ACSM5: variants seen among roughly 807,000 people sequenced by gnomAD.
The protein encoded by ACSM5 is acyl-CoA synthetase medium chain family member 5, also known as acyl-coenzyme A synthetase ACSM5, mitochondrial.
Under a neutral mutation model 71.6 loss-of-function variants are expected in ACSM5, and 56 were observed. The ratio of observed to expected loss-of-function variants is 0.78; its 90% CI spans 0.63 to 0.98. The LOEUF (loss-of-function observed/expected upper bound fraction) is 0.98. Among genes scored for constraint, ACSM5 ranks in the 50% least tolerant of loss-of-function variants. The pLI is 0.00. For missense variants in ACSM5, 723 were observed against 726.0 expected (o/e 1.00, Z 0.05); for synonymous variants, 285 against 281.5 (o/e 1.01, Z -0.12).
intron 12 of ACSM5, among the ~76,000 whole-genome samples, chr16:20,437,954 T>A (rs1360788769): frequency 1.3e-5 from 2 of 151,362 alleles, no homozygotes; most frequent in Non-Finnish European, 2.9e-5. Context: ...CCCCCCCCAG[T>A]AGCTGGGATT....
At chr16:20,418,295 A>G in intron 3 of ACSM5, 26 bp downstream of exon 3, 1 of 1,587,946 alleles carries the variant, frequency 6.3e-7, no homozygotes, top group African/African-American at 1.3e-5. Context: ...TGGGAATTTT[A>G]GTTGGGGGCA....
rs756547534 is a variant in ACSM5 at position 20,421,404 on chromosome 16, A to G, written c.767+3A>G. 3.8e-6 allele frequency: 6 copies of G among 1,588,014 alleles called. No homozygotes were observed. The highest frequency in any genetic ancestry group is 1.7e-5 in the Admixed American group (1 of 58,176). Reference sequence around the variant, plus strand: ...CTGGGTTTTGTGGCCAGCGGAAGGTACCAGAGCAGCTTGTCTAGAGGATCC... The same window carrying G: ...CTGGGTTTTGTGGCCAGCGGAAGGTGCCAGAGCAGCTTGTCTAGAGGATCC... On this transcript the variant is annotated splice_donor_region_variant and intron_variant, in intron 5 of 13. Transcript: ENST00000331849.
At position 20,440,471 on chromosome 16, in the gene ACSM5, A is replaced by G. The variant is rs865880504; in HGVS notation, c.*44A>G. On this transcript the variant is annotated 3_prime_UTR_variant, in exon 14 of 14. Transcript: ENST00000331849. ...CCCGTAGACCTCCGAAGACTCCACA[A>G]GAAACTAATGGATCACTGGTCAGTC... is the stretch of plus-strand genomic sequence containing the variant. 3.9e-6 allele frequency: 6 copies of G among 1,531,424 alleles called. No individual in the cohort carries two copies. Among genetic ancestry groups the G allele is most frequent in the Middle Eastern group, 1.7e-4 (1 of 5,944 alleles). The allele number at this position is 1,531,424 out of a possible 1,614,324, so 94.9% of individuals were successfully genotyped here. A position where few individuals can be genotyped will look rare whatever the true frequency, so the allele number is the denominator to read the frequency against.
intron 4 of ACSM5, chr16:20,420,972 A>G (rs544128346): frequency 2.4e-4 from 52 of 218,764 alleles, no homozygotes; most frequent in African/African-American, 9.8e-4. Context: ...AGACATGGAC[A>G]TGTGTGTGTT....
chr16:20,428,491 G>T (rs567154567), intron 7 of ACSM5, among the ~76,000 whole-genome samples: 2 of 152,304 alleles, frequency 1.3e-5, no homozygotes, highest in African/African-American at 2.4e-5. Context: ...GGTTGCTGGG[G>T]TATATGGAGA....
At chr16:20,425,479 A>G (rs1308476620) in intron 6 of ACSM5, among the ~76,000 whole-genome samples, 5 of 152,222 alleles carry the variant, frequency 3.3e-5, no homozygotes, top group African/African-American at 7.2e-5. Flanking sequence ...GTGTTTGATT[A>G]CATGAGTAAG....
In ACSM5 at chr16:20,437,079, G is replaced by A. The variant is rs201184714; in HGVS notation, c.1336G>A (p.Glu446Lys). 64 of 1,614,176 alleles carry A rather than the reference G, an allele frequency of 4.0e-5. No individual in the cohort carries two copies. The East Asian group carries it at 6.7e-4, about 17-fold the overall frequency. Residue 446 changes from glutamate (E) to lysine (K), a missense_variant, in exon 11 of 14, where the codon GAA becomes AAA. By Grantham distance (56) the Glu-to-Lys change is moderately conservative. Transcript: ENST00000331849. ...LDNPEKTAAS[E>K]QGDFYITGDR... ...CAATCCTGAGAAGACAGCTGCATCA[G>A]AACAAGGGGACTTTTACATCACAGG...
rs374447210 is a variant in ACSM5 at position 20,439,692 on chromosome 16, A to T, written c.1537-108A>T. 55 of 1,312,266 alleles carry T rather than the reference A, an allele frequency of 4.2e-5. 1 individual carries two copies. Among genetic ancestry groups the T allele is most frequent in the South Asian group, 3.9e-4 (27 of 68,876 alleles). The allele number at this position is 1,312,266 out of a possible 1,614,324, so 81.3% of individuals were successfully genotyped here. On this transcript the variant is annotated intron_variant, in intron 12 of 13. Transcript: ENST00000331849. The stretch of plus-strand genomic sequence containing the variant: ...GCTGTGCCCAAAAAAAACTAGTAGA[A>T]CTTTCATGGTGCAAAGGTAAATGTA...
At chr16:20,423,878 C>G (rs1966924684) in intron 5 of ACSM5, 38 bp from the exon 6 acceptor site, 1 of 1,611,210 alleles carries the variant, frequency 6.2e-7, no homozygotes, top group Non-Finnish European at 8.5e-7. Flanking sequence ...AAGGTAGAGT[C>G]ATTGCCAAGG....
In ACSM5 at chr16:20,413,764, G is replaced by A. The variant is rs551180590; in HGVS notation, c.204+2076G>A. 2.1e-4 allele frequency among the ~76,000 whole-genome samples: 32 copies of A among 152,278 alleles called. 1 individual carries two copies. The South Asian group carries it at 6.6e-3, about 32-fold the overall frequency. On this transcript the variant is annotated intron_variant, in intron 2 of 13. Coordinates refer to ENST00000331849, the MANE Select transcript of ACSM5 (RefSeq NM_017888.3). ...TAAGCTCGCACTTCTGGCAGACTGA[G>A]AGTTGGAGCATGCAGGAAATTAACA...
intron 10 of ACSM5, among the ~76,000 whole-genome samples, chr16:20,435,253 G>A (rs1316008805): frequency 1.3e-5 from 2 of 152,146 alleles, no homozygotes; most frequent in Non-Finnish European, 2.9e-5. Context: ...GGCTGGTCTT[G>A]AACTTCTGAC....
At chr16:20,435,066 T>A (rs1337373339) in intron 10 of ACSM5, among the ~76,000 whole-genome samples, 3 of 152,194 alleles carry the variant, frequency 2.0e-5, no homozygotes, top group Non-Finnish European at 4.4e-5. Context: ...AGAGTCTTGC[T>A]CTGTCACCCA....
At chr16:20,440,301 A>C (rs770198364) in intron 13 of ACSM5, 43 bp from the exon 14 acceptor site, 1 of 1,276,712 alleles carries the variant, frequency 7.8e-7, no homozygotes, top group East Asian at 2.3e-5. Context: ...TTTTTGAGAA[A>C]TGATGATTTC....
chr16:20,431,209 T>C lies in ACSM5; in HGVS notation c.1207-11T>C, dbSNP rs112497504. 60 of 1,612,854 alleles carry C rather than the reference T, an allele frequency of 3.7e-5. 1 individual carries two copies. Among genetic ancestry groups the C allele is most frequent in the African/African-American group, 2.3e-4 (17 of 74,980 alleles). On this transcript the variant is annotated splice_polypyrimidine_tract_variant and intron_variant, in intron 9 of 13. Transcript: ENST00000331849. ...CTCACGTATGCACCTCTGTGATGAT[T>C]TCCTTACCAGATTGTGGATGATGAG...
Position 20,421,274 on chromosome 16 carries a change from C to T in ACSM5, c.640C>T (p.His214Tyr), listed in dbSNP as rs1358770904. The change falls in exon 5 of 14, where the codon CAC becomes TAC. Residue 214 changes from histidine to tyrosine, a missense_variant. Physicochemically the swap from His to Tyr is moderately conservative, Grantham distance 83. Transcript: ENST00000331849. Reference sequence around the variant, plus strand: ...GTTTTACAGGGAGGCTTCTACAGAGCACAACTGCATGAGGACAAAGAGTCG... The same window carrying T: ...GTTTTACAGGGAGGCTTCTACAGAGTACAACTGCATGAGGACAAAGAGTCG... The part of the protein sequence containing the change: ...RELLREASTE[H>Y]NCMRTKSRDP... 1 of 1,601,272 alleles carries T rather than the reference C, an allele frequency of 6.2e-7. No homozygotes were observed. Among genetic ancestry groups the T allele is most frequent in the East Asian group, 2.3e-5 (1 of 43,998 alleles).
chr16:20,430,248 T>TA lies in ACSM5; in HGVS notation c.1125+454dup, dbSNP rs1202740059. Among the ~76,000 whole-genome samples the TA allele has an allele frequency of 8.1e-4, 120 of 147,740 alleles. 1 individual carries two copies. Among genetic ancestry groups the TA allele is most frequent in the African/African-American group, 2.7e-3 (108 of 40,016 alleles). On this transcript the variant is annotated intron_variant, in intron 8 of 13. Coordinates refer to ENST00000331849, the MANE Select transcript of ACSM5 (RefSeq NM_017888.3). ...ACACACACACACACTACTTATAAAT[T>TA]AAAAAAAGGTAATTTAAAGTACTTT...
chr16:20,411,718 T>C (rs1322738819), intron 2 of ACSM5, 30 bp downstream of exon 2: 4 of 1,610,280 alleles, frequency 2.5e-6, no homozygotes, highest in Middle Eastern at 1.9e-4. Flanking sequence ...AGAGTCCATC[T>C]GGGGCATCTG....
At position 20,437,054 on chromosome 16, in the gene ACSM5, C is replaced by G. The variant is rs761689664; in HGVS notation, c.1311C>G (p.Asp437Glu). 6.2e-7 allele frequency: 1 copy of G among 1,614,058 alleles called. No individual in the cohort carries two copies. The highest frequency in any genetic ancestry group is 2.2e-5 in the East Asian group (1 of 44,878). ...RPFCFFNCYL[D>E]NPEKTAASEQ... ...CACGGGTTGTCTTTGTCTTTCAGGACAATCCTGAGAAGACAGCTGCATCAG... is the reference window on the plus strand; with the variant it reads ...CACGGGTTGTCTTTGTCTTTCAGGAGAATCCTGAGAAGACAGCTGCATCAG... Residue 437 changes from aspartate (D) to glutamate (E), a missense_variant and splice_region_variant, in exon 11 of 14, where the codon GAC (aspartate) becomes GAG (glutamate). By Grantham distance (45) the Asp-to-Glu change is conservative. Transcript: ENST00000331849.
At chr16:20,412,520 G>A (rs1221189377) in intron 2 of ACSM5, among the ~76,000 whole-genome samples, 1 of 152,078 alleles carries the variant, frequency 6.6e-6, no homozygotes, top group Non-Finnish European at 1.5e-5. Flanking sequence ...CCTTATATCT[G>A]TGTCTGTTGG....
Sources: allele counts gnomAD v4.1 joint callset (sites outside exome capture counted in the v4.1 genomes callset), GRCh38; gene constraint gnomAD v4.1.1; transcripts MANE v1.5; gene names NCBI Gene and HGNC (gene_info 2026-07-23, HGNC 2026-07-21).